The following TNNT3 variants were observed in gnomAD, a reference collection of about 807,000 sequenced individuals.
TNNT3 encodes the protein troponin T, fast skeletal muscle.
Under a neutral mutation model 54.2 loss-of-function variants are expected in TNNT3, and 36 were observed. The ratio of observed to expected loss-of-function variants is 0.66; its 90% CI spans 0.51 to 0.88. TNNT3 has a LOEUF of 0.88. Among genes scored for constraint, TNNT3 ranks in the 40% least tolerant of loss-of-function variants. The pLI is 0.00. For synonymous variants in TNNT3, 120 were observed against 109.7 expected, an observed-to-expected ratio of 1.09 and a Z score of -0.59; for missense variants, 291 against 331.6, an observed-to-expected ratio of 0.88 and a Z score of 0.95.
intron 14 of TNNT3, chr11:1,936,297 G>A (rs532000893): frequency 1.4e-5 from 22 of 1,606,570 alleles, no homozygotes; most frequent in South Asian, 1.3e-4. Context: ...GTGGGTGTGC[G>A]TTGCACGGTG....
chr11:1,932,378 G>T, intron 8 of TNNT3, 91 bp from the exon 9 acceptor site: 1 of 1,274,838 alleles, frequency 7.8e-7, no homozygotes, highest in Non-Finnish European at 1.1e-6. Context: ...GGGCACCAGG[G>T]TTGGCAGGGG....
intron 8 of TNNT3, among the ~76,000 whole-genome samples, chr11:1,931,560 G>A (rs1472807186): frequency 1.3e-5 from 2 of 152,226 alleles, no homozygotes; most frequent in African/African-American, 4.8e-5. Context: ...GGGATGGGTC[G>A]TCTCTTCTCT....
Position 1,938,686 on chromosome 11 carries a change from A to G in TNNT3, c.*194A>G, listed in dbSNP as rs1855852376. On this transcript the variant is annotated 3_prime_UTR_variant, in exon 16 of 16. Coordinates refer to ENST00000278317, the MANE Select transcript of TNNT3 (RefSeq NM_006757.4). ...CCTTCATCCCCTGGGGCCTGTGAAT[A>G]AAGCTGCAGAACCCCCTTCACAGTC... 1.4e-6 allele frequency: 1 copy of G among 695,402 alleles called. No individual in the cohort carries two copies. The highest frequency in any genetic ancestry group is 2.6e-6 in the Non-Finnish European group (1 of 381,238). 43.1% of individuals were successfully genotyped at this position (695,402 alleles called of 1,614,324 possible).
rs1854390371 is a variant in TNNT3, at chr11:1,934,537, C to T, written c.481-9C>T. The T allele has an allele frequency of 6.2e-7, 1 of 1,607,546 alleles. No homozygotes were observed. The highest frequency in any genetic ancestry group is 1.1e-5 in the South Asian group (1 of 90,450). On this transcript the variant is annotated splice_polypyrimidine_tract_variant and intron_variant, in intron 12 of 15. Coordinates refer to ENST00000278317, the MANE Select transcript of TNNT3 (RefSeq NM_006757.4). The stretch of plus-strand genomic sequence containing the variant: ...ACCAGGCCCCTCTCTTTGGGCCTGT[C>T]CGCTGCAGGCTGACCAGAAGAGAGG...
intron 9 of TNNT3, among the ~76,000 whole-genome samples, chr11:1,933,002 G>A (rs1000789018): frequency 1.4e-5 from 2 of 141,106 alleles, no homozygotes; most frequent in Admixed American, 1.4e-4. Context: ...TCACCTACTC[G>A]CTCACCCACC....
chr11:1,923,413 G>A (rs574504616), intron 3 of TNNT3, 142 bp from the exon 4 acceptor site: 41 of 932,870 alleles, frequency 4.4e-5, no homozygotes, highest in South Asian at 4.1e-4. Flanking sequence ...CTCAGGGCCC[G>A]AGGACCCCTG....
intron 14 of TNNT3, chr11:1,935,633 G>C (rs899994091): frequency 5.8e-6 from 1 of 172,048 alleles, no homozygotes; most frequent in Admixed American, 5.4e-5. Flanking sequence ...CCAGGGGCGA[G>C]GGGTGAGGGG....
rs556302342 is a variant in TNNT3, at chr11:1,925,663, C to T, written c.67+547C>T. Among the ~76,000 whole-genome samples, 27 of 152,230 alleles carry T rather than the reference C, an allele frequency of 1.8e-4. No homozygotes were observed. The East Asian group carries it at 4.1e-3, about 23-fold the overall frequency. ...CGTCGACCCCTGGGCCTGGCCAGGA[C>T]GCCCGCCACATCTTGGGATGGCACA... On this transcript the variant is annotated intron_variant, in intron 5 of 15. Coordinates refer to ENST00000278317, the MANE Select transcript of TNNT3 (RefSeq NM_006757.4).
At chr11:1,934,226 TG>T in intron 11 of TNNT3, 105 bp from the exon 12 acceptor site, 1 of 1,147,814 alleles carries the variant, frequency 8.7e-7, no homozygotes, top group Non-Finnish European at 1.3e-6. Context: ...AAGCCCAGGG[TG>T]GGCCCTTCCA....
At chr11:1,936,876 C>A in intron 14 of TNNT3, 87 bp from the exon 15 acceptor site, 1 of 1,444,196 alleles carries the variant, frequency 6.9e-7, no homozygotes, top group Non-Finnish European at 9.5e-7. Context: ...GCAGCCCAGC[C>A]CACCCTGCGG....
In TNNT3 at chr11:1,922,352, C is replaced by T. The variant is rs754482356; in HGVS notation, c.-18-505C>T. On this transcript the variant is annotated intron_variant, in intron 1 of 15. Transcript: ENST00000278317. The stretch of plus-strand genomic sequence containing the variant: ...GGGGAATGGTAGGGTGAGCAGATTA[C>T]TCATCTTGGGGAGCCAGTCTCGGTC... Among the ~76,000 whole-genome samples, 3 of 152,072 alleles carry T rather than the reference C, an allele frequency of 2.0e-5. No individual in the cohort carries two copies. The East Asian group carries it at 5.8e-4, about 29-fold the overall frequency.
At chr11:1,924,998 G>C (rs905610936) in intron 4 of TNNT3, 101 bp from the exon 5 acceptor site, 2 of 1,394,294 alleles carry the variant, frequency 1.4e-6, no homozygotes, top group Non-Finnish European at 2.0e-6. Context: ...CCGGCCAGCC[G>C]GCCTCCTGTC....
At chr11:1,933,686 G>A (rs1040527222) in intron 9 of TNNT3, 35 bp from the exon 10 acceptor site, 1 of 1,546,204 alleles carries the variant, frequency 6.5e-7, no homozygotes, top group Admixed American at 1.7e-5. Context: ...GTTGGAGAGA[G>A]GGGTGGGGCT....
At chr11:1,920,956 C>G (rs1429048410) in intron 1 of TNNT3, among the ~76,000 whole-genome samples, 1 of 152,204 alleles carries the variant, frequency 6.6e-6, no homozygotes, top group African/African-American at 2.4e-5. Context: ...AGTTTCCCCA[C>G]TTGGAGAGTG....
chr11:1,936,067 G>C, intron 14 of TNNT3: 1 of 828,594 alleles, frequency 1.2e-6, no homozygotes, highest in South Asian at 1.4e-5. Flanking sequence ...CTGAATCAGG[G>C]ACCCACTGGC....
intron 5 of TNNT3, 109 bp from the exon 6 acceptor site, chr11:1,926,586 G>A (rs763676481): frequency 6.2e-7 from 1 of 1,607,428 alleles, no homozygotes; most frequent in Non-Finnish European, 8.5e-7. Flanking sequence ...AGCCTGGCCT[G>A]CTCGCTCCGC....
chr11:1,935,066 C>T (rs972292401), intron 14 of TNNT3, 147 bp downstream of exon 14: 15 of 776,170 alleles, frequency 1.9e-5, no homozygotes, highest in African/African-American at 1.9e-4. Flanking sequence ...TTGCCACGGA[C>T]CCCTGGCTGA....
At chr11:1,926,487 T>C (rs1327328773) in intron 5 of TNNT3, 1 of 1,613,230 alleles carries the variant, frequency 6.2e-7, no homozygotes, top group Non-Finnish European at 8.5e-7. Flanking sequence ...ACCAGGTACG[T>C]GCATGACTTC....
At chr11:1,926,303 G>A (rs1055816899) in intron 5 of TNNT3, among the ~76,000 whole-genome samples, 21 of 152,216 alleles carry the variant, frequency 1.4e-4, no homozygotes, top group Admixed American at 2.6e-4. Flanking sequence ...GGACTGGGGC[G>A]GTGGCCGCGC....
Sources: allele counts gnomAD v4.1 joint callset (sites outside exome capture counted in the v4.1 genomes callset), GRCh38; gene constraint gnomAD v4.1.1; transcripts MANE v1.5; gene names NCBI Gene and HGNC (gene_info 2026-07-23, HGNC 2026-07-21).